The following KHDRBS2 variants were observed in gnomAD, a reference collection of about 807,000 sequenced individuals.
KHDRBS2 encodes KH domain-containing, RNA-binding, signal transduction-associated protein 2.
A neutral mutation model predicts 44.3 loss-of-function variants in KHDRBS2; 26 were observed. That is an observed-to-expected ratio of 0.59 (90% CI 0.43 to 0.81). The LOEUF (loss-of-function observed/expected upper bound fraction) is 0.81, where lower values mean the gene tolerates loss of function less well. Among genes scored for constraint, KHDRBS2 ranks in the 40% least tolerant of loss-of-function variants. The pLI is 0.00. For synonymous variants in KHDRBS2, 194 were observed against 151.1 expected, an observed-to-expected ratio of 1.28 and a Z score of -2.08; for missense variants, 476 against 433.1, an observed-to-expected ratio of 1.10 and a Z score of -0.88.
chr6:61,569,216 C>T, the KHDRBS2 span, among the ~76,000 whole-genome samples: 4 of 152,100 alleles, frequency 2.6e-5, no homozygotes, highest in Admixed American at 2.6e-4. Flanking sequence ...CCCTCCCGTT[C>T]CCCACAGTGG....
chr6:61,677,788 C>T (rs191444408), downstream of KHDRBS2, among the ~76,000 whole-genome samples: 1 of 151,856 alleles, frequency 6.6e-6, no homozygotes, highest in Non-Finnish European at 1.5e-5. Context: ...CTTCTGCTTT[C>T]CTCTCAAACA....
At chr6:62,238,106 C>T (rs539079947) in intron 1 of KHDRBS2, among the ~76,000 whole-genome samples, 14 of 151,548 alleles carry the variant, frequency 9.2e-5, no homozygotes, top group Admixed American at 5.9e-4. Flanking sequence ...AAAGATAGCG[C>T]TTAAAAATTG....
the KHDRBS2 span, among the ~76,000 whole-genome samples, chr6:61,562,247 C>T: frequency 1.3e-4 from 20 of 152,260 alleles, no homozygotes; most frequent in African/African-American, 4.8e-4. Flanking sequence ...TCAGAGACTA[C>T]TCTAGCCTGA....
At chr6:61,867,158 G>A (rs1797916804) in intron 6 of KHDRBS2, among the ~76,000 whole-genome samples, 1 of 152,144 alleles carries the variant, frequency 6.6e-6, no homozygotes, top group Non-Finnish European at 1.5e-5. Flanking sequence ...AGACTGGGAT[G>A]AAAAATAGGT....
chr6:61,575,434 A>G, the KHDRBS2 span, among the ~76,000 whole-genome samples: 4 of 152,194 alleles, frequency 2.6e-5, no homozygotes, highest in African/African-American at 7.2e-5. Flanking sequence ...AAGAATAGCC[A>G]TAATTTAAAA....
chr6:61,763,509 T>C (rs1779568505), intron 6 of KHDRBS2, among the ~76,000 whole-genome samples: 1 of 152,284 alleles, frequency 6.6e-6, no homozygotes, highest in Non-Finnish European at 1.5e-5. Context: ...AAATGTGAAT[T>C]TCCGACCAAG....
chr6:62,133,660 A>G (rs1410874542), intron 2 of KHDRBS2, among the ~76,000 whole-genome samples: 1 of 152,190 alleles, frequency 6.6e-6, no homozygotes, highest in Non-Finnish European at 1.5e-5. Flanking sequence ...AGATAGGACA[A>G]TGTGGGAAAG....
At chr6:61,741,421 T>G (rs1776119497) in intron 6 of KHDRBS2, among the ~76,000 whole-genome samples, 1 of 151,938 alleles carries the variant, frequency 6.6e-6, no homozygotes, top group Non-Finnish European at 1.5e-5. Flanking sequence ...AATAAATATG[T>G]TTTGAAACTA....
At chr6:62,103,108 T>C (rs1479724448) in intron 2 of KHDRBS2, among the ~76,000 whole-genome samples, 1 of 152,004 alleles carries the variant, frequency 6.6e-6, no homozygotes, top group Non-Finnish European at 1.5e-5. Context: ...AAAAGTACCA[T>C]CCAACCAGCC....
chr6:62,255,580 T>C (rs1373222069), intron 1 of KHDRBS2, among the ~76,000 whole-genome samples: 1 of 150,146 alleles, frequency 6.7e-6, no homozygotes. Flanking sequence ...CAGTGCTGTA[T>C]TTACCCTCAT....
intron 6 of KHDRBS2, among the ~76,000 whole-genome samples, chr6:61,782,738 T>TATACACAC (rs1554206170): frequency 8.5e-6 from 1 of 117,878 alleles, no homozygotes; most frequent in Non-Finnish European, 1.8e-5. Flanking sequence ...TATATATATA[T>TATACACAC]ACACACACAC....
intron 1 of KHDRBS2, among the ~76,000 whole-genome samples, chr6:62,242,646 T>A (rs1009892866): frequency 6.6e-6 from 1 of 151,736 alleles, no homozygotes; most frequent in South Asian, 2.1e-4. Flanking sequence ...AAAAAAAAAA[T>A]ATTTTTCCCC....
intron 2 of KHDRBS2, among the ~76,000 whole-genome samples, chr6:62,107,887 C>T (rs1489175963): frequency 6.6e-6 from 1 of 152,066 alleles, no homozygotes; most frequent in East Asian, 1.9e-4. Flanking sequence ...AACTTGTTAG[C>T]CATATGTAGA....
Position 61,714,051 on chromosome 6 carries a change from C to A in KHDRBS2, c.894-16798G>T, listed in dbSNP as rs115203986. Among the ~76,000 whole-genome samples, 1,268 of 151,792 alleles carry A rather than the reference C, an allele frequency of 8.4e-3. 19 individuals carry two copies. The highest frequency in any genetic ancestry group is 0.029 in the African/African-American group (1,188 of 41,478). ...AAACAGAAATAGACAAACGGGACTA[C>A]ATTAAATTAGAAAGCTTCTGCACAG... On this transcript the variant is annotated intron_variant, in intron 7 of 8. Transcript: ENST00000281156.
chr6:62,215,590 A>G lies in KHDRBS2; in HGVS notation c.92-38278T>C, dbSNP rs1036288300. ...AATACGCCTTTTAAAAATAATACAT[A>G]TAATATTTAAATTAGAAAATAATTA... On this transcript the variant is annotated intron_variant, in intron 1 of 8. Coordinates refer to ENST00000281156, the MANE Select transcript of KHDRBS2 (RefSeq NM_152688.4). Among the ~76,000 whole-genome samples the G allele has an allele frequency of 1.6e-4, 24 of 151,962 alleles. 1 individual carries two copies. The East Asian group carries it at 2.3e-3, about 15-fold the overall frequency.
intron 1 of KHDRBS2, among the ~76,000 whole-genome samples, chr6:62,281,779 T>C (rs1180412917): frequency 6.6e-6 from 1 of 152,106 alleles, no homozygotes; most frequent in Admixed American, 6.6e-5. Context: ...ATGAAGAAAC[T>C]GAGTATCAGA....
intron 6 of KHDRBS2, among the ~76,000 whole-genome samples, chr6:61,827,921 T>G (rs1242400510): frequency 6.6e-6 from 1 of 152,146 alleles, no homozygotes. Flanking sequence ...GTTCAGCATA[T>G]GAATTTGTGG....
intron 2 of KHDRBS2, among the ~76,000 whole-genome samples, chr6:62,097,104 T>G (rs551766334): frequency 1.3e-5 from 2 of 152,004 alleles, no homozygotes; most frequent in East Asian, 3.9e-4. Context: ...CTGATATAAT[T>G]TTGTTTTTTT....
chr6:61,833,455 A>C (rs146349541), intron 6 of KHDRBS2, among the ~76,000 whole-genome samples: 3 of 152,272 alleles, frequency 2.0e-5, no homozygotes, highest in East Asian at 1.9e-4. Context: ...TTCTTTTCCT[A>C]TATAATACCA....
Sources: gnomAD v4.1 joint callset for allele counts (sites outside exome capture counted in the v4.1 genomes callset) on GRCh38, gnomAD v4.1.1 for gene constraint, MANE v1.5 for transcripts, NCBI Gene and HGNC (gene_info 2026-07-23, HGNC 2026-07-21) for gene names.